Variants in TAF3 observed in about 807,000 individuals in gnomAD.
TAF3 encodes TATA-box binding protein associated factor 3, also known as transcription initiation factor TFIID subunit 3.
In TAF3, 7 loss-of-function variants were observed where a neutral mutation model predicts 80.6. That is an observed-to-expected ratio of 0.09 (90% CI 0.05 to 0.16). The LOEUF (loss-of-function observed/expected upper bound fraction) is 0.16. Ranked by LOEUF, TAF3 falls within the 10% of genes least tolerant of loss-of-function variation. TAF3 has a pLI of 1.00. For missense variants in TAF3, 921 were observed against 1,140.2 expected (o/e 0.81, Z 2.77); for synonymous variants, 444 against 446.1 (o/e 1.00, Z 0.06).
intron 1 of TAF3, among the ~76,000 whole-genome samples, chr10:7,821,659 A>G (rs777725983): frequency 6.6e-6 from 1 of 152,224 alleles, no homozygotes; most frequent in Non-Finnish European, 1.5e-5. Context: ...TCGGTGTCAC[A>G]TTATATGTTA....
chr10:7,841,775 A>G lies in TAF3; in HGVS notation c.409+17215A>G, dbSNP rs561910205. Among the ~76,000 whole-genome samples, 6 of 152,364 alleles carry G rather than the reference A, an allele frequency of 3.9e-5. No individual in the cohort carries two copies. The East Asian group carries it at 9.6e-4, about 24-fold the overall frequency. On this transcript the variant is annotated intron_variant, in intron 2 of 6. Transcript: ENST00000344293. The stretch of plus-strand genomic sequence containing the variant: ...CTTGGGAGATTGGCTAGGTAATCAG[A>G]TATCTAAATATCCAGATCTTAAACA...
chr10:7,835,821 G>A (rs1244502), intron 2 of TAF3, among the ~76,000 whole-genome samples: 27,275 of 152,042 alleles, frequency 0.18, 2,531 homozygotes, highest in South Asian at 0.26. Flanking sequence ...GTCTCATGGC[G>A]CTTGGTGGCA....
At chr10:7,893,515 A>G (rs1245427424) in intron 2 of TAF3, among the ~76,000 whole-genome samples, 2 of 152,128 alleles carry the variant, frequency 1.3e-5, no homozygotes, top group South Asian at 2.1e-4. Context: ...CCAAACATTC[A>G]TATCCTCAGG....
intron 2 of TAF3, among the ~76,000 whole-genome samples, chr10:7,844,381 T>TTC (rs1836948481): frequency 6.7e-6 from 1 of 149,016 alleles, no homozygotes; most frequent in African/African-American, 2.4e-5. Flanking sequence ...TCTTGTTCTT[T>TTC]TTTTTTTTTT....
At chr10:7,890,293 C>T (rs1416905779) in intron 2 of TAF3, among the ~76,000 whole-genome samples, 1 of 152,166 alleles carries the variant, frequency 6.6e-6, no homozygotes, top group Non-Finnish European at 1.5e-5. Flanking sequence ...TCAGATTCTC[C>T]TTAGCCTCTC....
At chr10:7,904,795 C>G (rs540824907) in intron 2 of TAF3, among the ~76,000 whole-genome samples, 1 of 152,164 alleles carries the variant, frequency 6.6e-6, no homozygotes, top group South Asian at 2.1e-4. Flanking sequence ...TCCAGATTCT[C>G]TGGAAAAACT....
chr10:8,011,828 T>A (rs1309674442), intron 5 of TAF3, among the ~76,000 whole-genome samples: 1 of 152,224 alleles, frequency 6.6e-6, no homozygotes, highest in Admixed American at 6.5e-5. Flanking sequence ...TTCCAGTAGA[T>A]CTTTGAGCTA....
At chr10:7,863,742 TATATACAC>T (rs1204758181) in intron 2 of TAF3, among the ~76,000 whole-genome samples, 2 of 132,034 alleles carry the variant, frequency 1.5e-5, no homozygotes, top group Non-Finnish European at 3.3e-5. Context: ...TACACATATA[TATATACAC>T]ATATATATAT....
At chr10:8,005,796 G>A (rs1010267808) in intron 4 of TAF3, among the ~76,000 whole-genome samples, 2 of 152,122 alleles carry the variant, frequency 1.3e-5, no homozygotes, top group South Asian at 2.1e-4. Flanking sequence ...ATGCCATAGC[G>A]ATAACTTTGA....
At chr10:7,825,336 A>G (rs1286443714) in intron 2 of TAF3, among the ~76,000 whole-genome samples, 2 of 152,218 alleles carry the variant, frequency 1.3e-5, no homozygotes, top group Non-Finnish European at 2.9e-5. Context: ...ATGATTTTCT[A>G]TTGTAAAATA....
chr10:7,843,471 A>G (rs950785108), intron 2 of TAF3, among the ~76,000 whole-genome samples: 1 of 152,138 alleles, frequency 6.6e-6, no homozygotes, highest in Non-Finnish European at 1.5e-5. Context: ...TTTTAGTTGT[A>G]GTCATCTACA....
At chr10:7,908,289 G>A (rs1464559392) in intron 2 of TAF3, among the ~76,000 whole-genome samples, 1 of 152,106 alleles carries the variant, frequency 6.6e-6, no homozygotes, top group Non-Finnish European at 1.5e-5. Context: ...TGAAGGCCAT[G>A]GCTACTGCTT....
At chr10:7,955,140 C>T (rs551547688) in intron 2 of TAF3, among the ~76,000 whole-genome samples, 26 of 152,302 alleles carry the variant, frequency 1.7e-4, no homozygotes, top group African/African-American at 5.1e-4. Context: ...TAAATTCAGA[C>T]GAATAGAAAG....
Position 7,916,717 on chromosome 10 carries a change from T to C in TAF3, c.410-47203T>C, listed in dbSNP as rs376966111. The stretch of plus-strand genomic sequence containing the variant: ...AACTTGATATTTAAGGGAATCTTTT[T>C]AAAAATCCTTTTTATTTTTATGTAT... On this transcript the variant is annotated intron_variant, in intron 2 of 6. Coordinates refer to ENST00000344293, the MANE Select transcript of TAF3 (RefSeq NM_031923.4). Among the ~76,000 whole-genome samples the C allele has an allele frequency of 7.7e-4, 117 of 152,296 alleles. 1 individual carries two copies. The South Asian group carries it at 0.023, about 30-fold the overall frequency.
At chr10:8,012,790 A>G (rs1832067621) in intron 5 of TAF3, among the ~76,000 whole-genome samples, 1 of 152,220 alleles carries the variant, frequency 6.6e-6, no homozygotes, top group Admixed American at 6.5e-5. Context: ...CACCTGTCAC[A>G]CACAAAGAAA....
At chr10:7,821,739 TA>T (rs1451431166) in intron 1 of TAF3, among the ~76,000 whole-genome samples, 10 of 152,178 alleles carry the variant, frequency 6.6e-5, no homozygotes, top group African/African-American at 1.9e-4. Context: ...AGTACTGTAA[TA>T]TTTTTTTGCA....
intron 2 of TAF3, among the ~76,000 whole-genome samples, chr10:7,918,153 T>A (rs1164092936): frequency 6.6e-6 from 1 of 152,166 alleles, no homozygotes; most frequent in African/African-American, 2.4e-5. Flanking sequence ...GTAGTTCTGG[T>A]TGTTTTTACT....
chr10:7,822,468 A>C (rs1185912166), intron 1 of TAF3, among the ~76,000 whole-genome samples: 1 of 148,694 alleles, frequency 6.7e-6, no homozygotes, highest in Non-Finnish European at 1.5e-5. Flanking sequence ...AATGCATCAC[A>C]GAAGTAACCC....
At chr10:7,906,923 A>C (rs1837613198) in intron 2 of TAF3, among the ~76,000 whole-genome samples, 1 of 151,628 alleles carries the variant, frequency 6.6e-6, no homozygotes, top group African/African-American at 2.4e-5. Flanking sequence ...GCCTCTTGAC[A>C]TTCCTAACCT....
Sources: gnomAD v4.1 joint callset for allele counts (sites outside exome capture counted in the v4.1 genomes callset) on GRCh38, gnomAD v4.1.1 for gene constraint, MANE v1.5 for transcripts, NCBI Gene and HGNC (gene_info 2026-07-23, HGNC 2026-07-21) for gene names.